MYOF: variants seen among roughly 807,000 people sequenced by gnomAD.
MYOF encodes myoferlin.
A neutral mutation model predicts 284.2 loss-of-function variants in MYOF; 244 were observed. The observed-to-expected ratio is 0.86, with a 90% CI of 0.77 to 0.95. MYOF has a LOEUF of 0.95. Ranked by LOEUF, MYOF falls within the 40% of genes least tolerant of loss-of-function variation. The pLI is 0.00. For missense variants in MYOF, 2,496 were observed against 2,560.6 expected (o/e 0.97, Z 0.54); for synonymous variants, 904 against 919.7 (o/e 0.98, Z 0.31).
chr10:93,448,185 C>T (rs899592794), intron 3 of MYOF, among the ~76,000 whole-genome samples: 1 of 152,136 alleles, frequency 6.6e-6, no homozygotes, highest in African/African-American at 2.4e-5. Context: ...ATTCTCTGCC[C>T]AGAATATTCT....
chr10:93,311,024 G>A (rs545537137), intron 51 of MYOF, among the ~76,000 whole-genome samples: 179 of 152,262 alleles, frequency 1.2e-3, no homozygotes, highest in East Asian at 4.4e-3. Flanking sequence ...TAGGCTCCCA[G>A]TAAGAGAACA....
rs565739744 is a variant in MYOF, at chr10:93,462,235, A to C, written c.89-5298T>G. On this transcript the variant is annotated intron_variant, in intron 1 of 53. Transcript: ENST00000359263. ...CAGGTGTGTGCCACCACACCCAGCT[A>C]ATTTTTATATTTTTAGTAAAGACAG... 2.2e-3 allele frequency among the ~76,000 whole-genome samples: 335 copies of C among 151,972 alleles called. 5 individuals are homozygous for C. The highest frequency in any genetic ancestry group is 7.7e-3 in the African/African-American group (321 of 41,450).
rs866775563 is a variant in MYOF at position 93,349,785 on chromosome 10, A to T, written c.4083+23T>A. On this transcript the variant is annotated intron_variant, in intron 36 of 53. Coordinates refer to ENST00000359263, the MANE Select transcript of MYOF (RefSeq NM_013451.4). ...TTTCATATTTCAACGCGCATGGGTG[A>T]TCACAGAGAATCGATACTGTACCAC... is the stretch of plus-strand genomic sequence containing the variant. 15 of 1,612,800 alleles carry T rather than the reference A, an allele frequency of 9.3e-6. 1 individual carries two copies. The Middle Eastern group carries it at 2.5e-3, about 266-fold the overall frequency.
chr10:93,469,547 C>T (rs987220016), intron 1 of MYOF, among the ~76,000 whole-genome samples: 51 of 152,230 alleles, frequency 3.4e-4, no homozygotes, highest in African/African-American at 1.2e-3. Flanking sequence ...GACAAGGCCT[C>T]TGAGACCAGA....
At chr10:93,477,582 C>T (rs112849909) in intron 1 of MYOF, among the ~76,000 whole-genome samples, 150 of 152,256 alleles carry the variant, frequency 9.9e-4, no homozygotes, top group African/African-American at 3.1e-3. Context: ...GGCGCAGTGG[C>T]TCACGCCTGT....
intron 2 of MYOF, among the ~76,000 whole-genome samples, chr10:93,455,401 C>T (rs2056721825): frequency 6.6e-6 from 1 of 152,182 alleles, no homozygotes; most frequent in Non-Finnish European, 1.5e-5. Flanking sequence ...GGCGCAATGG[C>T]TCACACCTGT....
At chr10:93,453,410 C>T (rs1285324234) in intron 2 of MYOF, among the ~76,000 whole-genome samples, 7 of 152,124 alleles carry the variant, frequency 4.6e-5, no homozygotes, top group East Asian at 1.9e-4. Flanking sequence ...ATGATCCACC[C>T]GCCTTGACCT....
At chr10:93,368,630 T>C (rs1845434034) in intron 25 of MYOF, among the ~76,000 whole-genome samples, 1 of 152,218 alleles carries the variant, frequency 6.6e-6, no homozygotes, top group Admixed American at 6.5e-5. Context: ...ATTGTCATCA[T>C]TTATTTATTC....
intron 25 of MYOF, among the ~76,000 whole-genome samples, chr10:93,367,221 TC>T (rs1057356818): frequency 6.6e-6 from 1 of 152,194 alleles, no homozygotes; most frequent in African/African-American, 2.4e-5. Context: ...TTTAGGGCAT[TC>T]CTTTCCAAGT....
At chr10:93,474,783 G>C (rs1418955494) in intron 1 of MYOF, among the ~76,000 whole-genome samples, 1 of 144,052 alleles carries the variant, frequency 6.9e-6, no homozygotes, top group Non-Finnish European at 1.5e-5. Context: ...TTTCACTCTT[G>C]TTGCCCAGGC....
chr10:93,410,164 C>T (rs1847842949), intron 5 of MYOF, among the ~76,000 whole-genome samples: 2 of 152,078 alleles, frequency 1.3e-5, no homozygotes, highest in African/African-American at 4.8e-5. Flanking sequence ...GAGATCTGCT[C>T]GTGATCTATT....
chr10:93,469,137 C>T (rs1373288031), intron 1 of MYOF, among the ~76,000 whole-genome samples: 1 of 152,160 alleles, frequency 6.6e-6, no homozygotes, highest in Non-Finnish European at 1.5e-5. Context: ...TGGTGGCTCA[C>T]GCCCATAATC....
rs182973788 is a variant in MYOF at position 93,384,461 on chromosome 10, G to A, written c.1699-3065C>T. 2.3e-3 allele frequency among the ~76,000 whole-genome samples: 345 copies of A among 152,234 alleles called. 2 individuals are homozygous for A. The highest frequency in any genetic ancestry group is 7.0e-3 in the African/African-American group (291 of 41,538). On this transcript the variant is annotated intron_variant, in intron 19 of 53. Coordinates refer to ENST00000359263, the MANE Select transcript of MYOF (RefSeq NM_013451.4). ...AGTTTGAGACCAGCCTGGCCAACAT[G>A]GTGAAACTCTATCTCTACTAAAAAT...
intron 5 of MYOF, among the ~76,000 whole-genome samples, chr10:93,423,248 C>T (rs558352590): frequency 5.3e-5 from 8 of 151,976 alleles, no homozygotes; most frequent in South Asian, 2.1e-4. Flanking sequence ...AGAGAGGGGT[C>T]GGGTGCAGTG....
At position 93,380,348 on chromosome 10, in the gene MYOF, C is replaced by G. The variant is rs182521539; in HGVS notation, c.1877-361G>C. On this transcript the variant is annotated intron_variant, in intron 20 of 53. Coordinates refer to ENST00000359263, the MANE Select transcript of MYOF (RefSeq NM_013451.4). ...ATGTTAGTCCCTAAAAACTGTTATT[C>G]TAAATAAATGTTTTTGTTGGAACTG... 5.3e-5 allele frequency among the ~76,000 whole-genome samples: 8 copies of G among 152,238 alleles called. No homozygotes were observed. The East Asian group carries it at 1.5e-3, about 29-fold the overall frequency.
chr10:93,406,904 G>A (rs973526474), intron 7 of MYOF, among the ~76,000 whole-genome samples: 4 of 152,146 alleles, frequency 2.6e-5, no homozygotes, highest in African/African-American at 4.8e-5. Context: ...TGAAGAGGTA[G>A]TGTGGTAAGA....
At chr10:93,426,268 G>A in intron 4 of MYOF, 110 bp from the exon 5 acceptor site, 1 of 1,044,708 alleles carries the variant, frequency 9.6e-7, no homozygotes, top group Non-Finnish European at 1.4e-6. Flanking sequence ...GGGTAAGAGA[G>A]AGGGAGTAGG....
At chr10:93,431,208 T>C (rs763761649) in intron 4 of MYOF, among the ~76,000 whole-genome samples, 200 bp downstream of exon 4, 19 of 152,172 alleles carry the variant, frequency 1.2e-4, no homozygotes, top group Non-Finnish European at 2.4e-4. Flanking sequence ...TTTGTATTTT[T>C]AGTTGGGATG....
intron 39 of MYOF, among the ~76,000 whole-genome samples, chr10:93,339,768 C>A (rs1217427723): frequency 1.3e-5 from 2 of 152,022 alleles, no homozygotes; most frequent in Non-Finnish European, 2.9e-5. Flanking sequence ...TGTGCCCGGC[C>A]CCCCTAGATT....
Sources: allele counts gnomAD v4.1 joint callset (sites outside exome capture counted in the v4.1 genomes callset), GRCh38; gene constraint gnomAD v4.1.1; transcripts MANE v1.5; gene names NCBI Gene and HGNC (gene_info 2026-07-23, HGNC 2026-07-21).